ALDH5A1: variants seen among roughly 807,000 people sequenced by gnomAD.
ALDH5A1 encodes aldehyde dehydrogenase 5 family member A1, also known as succinate-semialdehyde dehydrogenase, mitochondrial.
A neutral mutation model predicts 54.7 loss-of-function variants in ALDH5A1; 33 were observed. That is an observed-to-expected ratio of 0.60 (90% confidence interval 0.46 to 0.81). ALDH5A1 has a LOEUF of 0.81. Among genes scored for constraint, ALDH5A1 ranks in the 30% least tolerant of loss-of-function variants. The probability of loss-of-function intolerance (pLI) is 0.00; values close to 1 mark genes in which losing one functional copy is unlikely to be tolerated. For synonymous variants in ALDH5A1, 294 were observed against 292.7 expected (o/e 1.00, Z -0.05); for missense variants, 657 against 711.0 (o/e 0.92, Z 0.86).
At chr6:24,527,889 CT>C in intron 7 of ALDH5A1, 107 bp from the exon 8 acceptor site, 10 of 1,325,650 alleles carry the variant, frequency 7.5e-6, no homozygotes, top group African/African-American at 1.5e-5. Flanking sequence ...TGTTAACCTA[CT>C]TTTTTTGAAA....
intron 7 of ALDH5A1, among the ~76,000 whole-genome samples, chr6:24,525,972 A>G (rs553531978): frequency 6.6e-6 from 1 of 152,076 alleles, no homozygotes; most frequent in South Asian, 2.1e-4. Context: ...GAAATATAGT[A>G]GGTATCTAGG....
At chr6:24,524,649 C>T (rs1047071273) in intron 7 of ALDH5A1, among the ~76,000 whole-genome samples, 1 of 152,146 alleles carries the variant, frequency 6.6e-6, no homozygotes, top group African/African-American at 2.4e-5. Context: ...TGGGATTACT[C>T]TAGATAAAGA....
At chr6:24,530,398 T>A (rs1226839345) in intron 8 of ALDH5A1, among the ~76,000 whole-genome samples, 1 of 152,332 alleles carries the variant, frequency 6.6e-6, no homozygotes, top group East Asian at 1.9e-4. Context: ...ACCATTTCTG[T>A]CTCCCGTGGT....
intron 7 of ALDH5A1, among the ~76,000 whole-genome samples, chr6:24,527,533 C>G (rs868375927): frequency 2.0e-5 from 3 of 152,272 alleles, no homozygotes; most frequent in Admixed American, 6.5e-5. Context: ...GGTCATGCCA[C>G]TGCACTCCAG....
intron 7 of ALDH5A1, 90 bp from the exon 8 acceptor site, chr6:24,527,907 A>C: frequency 6.7e-7 from 1 of 1,493,352 alleles, no homozygotes; most frequent in Non-Finnish European, 9.2e-7. Context: ...GAAAAAGAAA[A>C]AAAAATGGAA....
Position 24,536,573 on chromosome 6 carries a change from G to A in ALDH5A1, c.*2861G>A, listed in dbSNP as rs886061280. The A allele has an allele frequency of 6.6e-5, 10 of 152,218 alleles. No homozygotes were observed. Among genetic ancestry groups the A allele is most frequent in the South Asian group, 4.2e-4 (2 of 4,812 alleles). The allele number at this position is 152,218 out of a possible 1,614,324, so 9.4% of individuals were successfully genotyped here. A position where few individuals can be genotyped will look rare whatever the true frequency, so the allele number is the denominator to read the frequency against. ...ATATTGACCTTACTTGCATTTATCCGGCATTATTTCAACACCTCCTGTGAA... is the reference window on the plus strand; with the variant it reads ...ATATTGACCTTACTTGCATTTATCCAGCATTATTTCAACACCTCCTGTGAA... On this transcript the variant is annotated 3_prime_UTR_variant, in exon 10 of 10. Transcript: ENST00000357578.
chr6:24,525,181 A>G (rs558571837), intron 7 of ALDH5A1, among the ~76,000 whole-genome samples: 22 of 152,344 alleles, frequency 1.4e-4, no homozygotes, highest in African/African-American at 5.3e-4. Context: ...ATGACAAGAA[A>G]AGGGCAGAGC....
chr6:24,505,131 CTT>C (rs1759312551), intron 4 of ALDH5A1, 146 bp downstream of exon 4: 1 of 850,536 alleles, frequency 1.2e-6, no homozygotes, highest in African/African-American at 1.7e-5. Flanking sequence ...CTGGTGATTA[CTT>C]TAAGTCAGCT....
chr6:24,498,566 G>A (rs1764756071), intron 1 of ALDH5A1, among the ~76,000 whole-genome samples: 1 of 152,226 alleles, frequency 6.6e-6, no homozygotes, highest in Non-Finnish European at 1.5e-5. Flanking sequence ...CCTGTGTTCA[G>A]ATCACACCGC....
chr6:24,503,703 T>C (rs1358946297), intron 3 of ALDH5A1, among the ~76,000 whole-genome samples: 3 of 152,222 alleles, frequency 2.0e-5, no homozygotes, highest in Admixed American at 6.5e-5. Flanking sequence ...TGACTTGGCA[T>C]GGAGGCTTCT....
Position 24,536,084 on chromosome 6 carries a change from G to T in ALDH5A1, c.*2372G>T, listed in dbSNP as rs1760042091. The T allele has an allele frequency of 6.6e-6, 1 of 152,148 alleles. No individual in the cohort carries two copies. The highest frequency in any genetic ancestry group is 2.4e-5 in the African/African-American group (1 of 41,434). 9.4% of individuals were successfully genotyped at this position (152,148 alleles called of 1,614,324 possible). A position where few individuals can be genotyped will look rare whatever the true frequency, so the allele number is the denominator to read the frequency against. Reference sequence around the variant, plus strand: ...TGGCCCTTGGTTGTGGGAAGAAAGAGAATTATTTTTAACTGAACGTTTTTG... The same window carrying T: ...TGGCCCTTGGTTGTGGGAAGAAAGATAATTATTTTTAACTGAACGTTTTTG... On this transcript the variant is annotated 3_prime_UTR_variant, in exon 10 of 10. Transcript: ENST00000357578.
intron 5 of ALDH5A1, among the ~76,000 whole-genome samples, chr6:24,516,594 T>C (rs548604583): frequency 5.9e-5 from 9 of 152,218 alleles, no homozygotes; most frequent in African/African-American, 2.2e-4. Context: ...GATATACACA[T>C]ATATGTATCT....
At chr6:24,522,998 C>A in intron 7 of ALDH5A1, 73 bp downstream of exon 7, 2 of 644,390 alleles carry the variant, frequency 3.1e-6, no homozygotes, top group Non-Finnish European at 4.9e-6. Flanking sequence ...GCAAAAAACA[C>A]TTTGGCTGGA....
At chr6:24,514,277 C>T (rs1561873581) in intron 4 of ALDH5A1, among the ~76,000 whole-genome samples, 1 of 152,206 alleles carries the variant, frequency 6.6e-6, no homozygotes, top group African/African-American at 2.4e-5. Context: ...GCACTGCTGC[C>T]CTGCACCTAG....
At chr6:24,515,070 T>G in intron 4 of ALDH5A1, 97 bp from the exon 5 acceptor site, 1 of 1,360,442 alleles carries the variant, frequency 7.4e-7, no homozygotes, top group Non-Finnish European at 1.0e-6. Context: ...TTCCATTACT[T>G]TTTGGGTTAA....
At chr6:24,522,559 G>A in intron 6 of ALDH5A1, 1 of 490,806 alleles carries the variant, frequency 2.0e-6, no homozygotes, top group Non-Finnish European at 3.8e-6. Context: ...TAGCATAGCA[G>A]CTGTGGAGGG....
At chr6:24,495,645 T>C (rs1041548459) in intron 1 of ALDH5A1, among the ~76,000 whole-genome samples, 1 of 152,012 alleles carries the variant, frequency 6.6e-6, no homozygotes, top group Non-Finnish European at 1.5e-5. Context: ...CTGCTTGTTA[T>C]GGTCAACAAG....
At chr6:24,502,019 G>A (rs1318507976) in intron 1 of ALDH5A1, among the ~76,000 whole-genome samples, 2 of 151,650 alleles carry the variant, frequency 1.3e-5, no homozygotes, top group African/African-American at 2.4e-5. Flanking sequence ...TAAAGGACTG[G>A]CTCATGTGAC....
chr6:24,503,060 A>G (rs532937157), intron 2 of ALDH5A1, among the ~76,000 whole-genome samples: 16 of 152,310 alleles, frequency 1.1e-4, no homozygotes, highest in African/African-American at 2.9e-4. Context: ...TGAGAATGCA[A>G]TGACTTGTGG....
Sources: gnomAD v4.1 joint callset for allele counts (sites outside exome capture counted in the v4.1 genomes callset) on GRCh38, gnomAD v4.1.1 for gene constraint, MANE v1.5 for transcripts, NCBI Gene and HGNC (gene_info 2026-07-23, HGNC 2026-07-21) for gene names.